PLD5: variants seen among roughly 807,000 people sequenced by gnomAD.
The protein encoded by PLD5 is inactive phospholipase D5.
PLD5 carries 36 observed loss-of-function variants against 61.1 expected under a neutral mutation model. The ratio of observed to expected loss-of-function variants is 0.59; its 90% confidence interval spans 0.45 to 0.78. The LOEUF (loss-of-function observed/expected upper bound fraction) is 0.78. PLD5 is among the 30% of genes least tolerant of loss of function. The pLI is 0.00. For synonymous variants in PLD5, 243 were observed against 242.8 expected (o/e 1.00, Z -0.01); for missense variants, 515 against 644.4 (o/e 0.80, Z 2.17).
chr1:242,472,312 C>T (rs1044896367), intron 1 of PLD5, among the ~76,000 whole-genome samples: 6 of 152,182 alleles, frequency 3.9e-5, no homozygotes, highest in African/African-American at 1.2e-4. Context: ...ATAAGGAGCA[C>T]ACTTTGTTTG....
intron 9 of PLD5, among the ~76,000 whole-genome samples, chr1:242,091,868 C>T (rs1659861462): frequency 6.7e-6 from 1 of 148,760 alleles, no homozygotes; most frequent in African/African-American, 2.5e-5. Context: ...TGCTCTGTCG[C>T]CCAGGCTGGA....
chr1:242,168,847 T>TTTTTTTTG (rs1553314407), intron 5 of PLD5, among the ~76,000 whole-genome samples: 1 of 4,428 alleles, frequency 2.3e-4, no homozygotes, highest in South Asian at 7.1e-3. Context: ...ATTAATGAAG[T>TTTTTTTTG]TTTTTTTTTT....
chr1:242,504,401 T>C (rs905902062), intron 1 of PLD5, among the ~76,000 whole-genome samples: 3 of 152,328 alleles, frequency 2.0e-5, no homozygotes, highest in East Asian at 1.9e-4. Context: ...ACAACATGCA[T>C]GAGATTTCAA....
Position 242,524,324 on chromosome 1 carries a change from C to G in PLD5, c.-48G>C. On this transcript the variant is annotated 5_prime_UTR_variant, in exon 1 of 10. Coordinates refer to ENST00000536534, the MANE Select transcript of PLD5 (RefSeq NM_001372062.1). The stretch of plus-strand genomic sequence containing the variant: ...CGGCGAGCAGCGGACTCGGGACGGG[C>G]GCGCGGGGAGCCGGGCGCGGAGGGC... 7.4e-7 allele frequency: 1 copy of G among 1,355,156 alleles called. No individual in the cohort carries two copies. The highest frequency in any genetic ancestry group is 9.4e-7 in the Non-Finnish European group (1 of 1,060,974). The allele number at this position is 1,355,156 out of a possible 1,614,324, so 83.9% of individuals were successfully genotyped here.
At chr1:242,152,388 G>T (rs1259656424) in intron 5 of PLD5, among the ~76,000 whole-genome samples, 1 of 152,016 alleles carries the variant, frequency 6.6e-6, no homozygotes, top group Non-Finnish European at 1.5e-5. Context: ...TAAGTTCTGG[G>T]ATACATGTAC....
intron 1 of PLD5, among the ~76,000 whole-genome samples, chr1:242,395,360 C>T (rs1230310464): frequency 3.3e-5 from 5 of 152,058 alleles, no homozygotes; most frequent in Admixed American, 1.3e-4. Flanking sequence ...GATCCCATTG[C>T]TTCTTGCCTG....
At chr1:242,131,737 T>C (rs1175330072) in intron 5 of PLD5, among the ~76,000 whole-genome samples, 1 of 152,158 alleles carries the variant, frequency 6.6e-6, no homozygotes, top group Non-Finnish European at 1.5e-5. Context: ...GCCATGTGCT[T>C]GTCCTCCTCT....
rs919202192 is a variant in PLD5, at chr1:242,124,618, T to C, written c.783A>G (p.Leu261=). 12 of 1,613,882 alleles carry C rather than the reference T, an allele frequency of 7.4e-6. No individual in the cohort carries two copies. Among genetic ancestry groups the C allele is most frequent in the Admixed American group, 6.7e-5 (4 of 60,002 alleles). Residue 261 remains leucine (L), a synonymous_variant, in exon 6 of 10, where the codon CTA becomes CTG. Transcript: ENST00000536534. Reference sequence around the variant, plus strand: ...ATAGAGCAAATATCCTTTGTAAATCTAGGACCAGGCAGCTGCAGTTGTAGA... The same window carrying C: ...ATAGAGCAAATATCCTTTGTAAATCCAGGACCAGGCAGCTGCAGTTGTAGA... The part of the protein sequence containing the change: ...VIFYNCSCLV[L]DLQRIFALYS...
At chr1:242,525,846 T>A (rs998869254), upstream of PLD5, among the ~76,000 whole-genome samples, 2 of 152,170 alleles carry the variant, frequency 1.3e-5, no homozygotes, top group African/African-American at 4.8e-5. Context: ...AAAAATGGTA[T>A]AGTAAAAATA....
chr1:242,436,279 T>A (rs1665993153), intron 1 of PLD5, among the ~76,000 whole-genome samples: 1 of 152,184 alleles, frequency 6.6e-6, no homozygotes, highest in South Asian at 2.1e-4. Flanking sequence ...CCTCTAATCA[T>A]CTAAATGGCA....
intron 1 of PLD5, among the ~76,000 whole-genome samples, chr1:242,400,622 A>C (rs562997127): frequency 1.9e-4 from 29 of 152,192 alleles, no homozygotes; most frequent in African/African-American, 6.5e-4. Flanking sequence ...TATCATTACT[A>C]TTTTCCAGAT....
chr1:242,171,779 A>C (rs1666769738), intron 5 of PLD5, among the ~76,000 whole-genome samples: 2 of 152,164 alleles, frequency 1.3e-5, no homozygotes, highest in Non-Finnish European at 2.9e-5. Context: ...TAAACCAACA[A>C]AGATCAAAAA....
chr1:242,305,956 G>C (rs376037420), intron 2 of PLD5, among the ~76,000 whole-genome samples: 1 of 152,156 alleles, frequency 6.6e-6, no homozygotes, highest in African/African-American at 2.4e-5. Flanking sequence ...CAACTGGAAA[G>C]GGGGGGAAGT....
chr1:242,262,149 C>A (rs1369047157), intron 4 of PLD5, among the ~76,000 whole-genome samples: 1 of 152,170 alleles, frequency 6.6e-6, no homozygotes, highest in Non-Finnish European at 1.5e-5. Flanking sequence ...GTAAAATAAA[C>A]CACTGCTGTA....
chr1:242,479,602 T>C (rs1443442089), intron 1 of PLD5, among the ~76,000 whole-genome samples: 1 of 152,164 alleles, frequency 6.6e-6, no homozygotes, highest in Non-Finnish European at 1.5e-5. Context: ...ATTCTCCCAA[T>C]ATTGATGTAT....
intron 1 of PLD5, among the ~76,000 whole-genome samples, chr1:242,463,223 T>C (rs1667173545): frequency 6.6e-6 from 1 of 152,200 alleles, no homozygotes; most frequent in African/African-American, 2.4e-5. Context: ...ATATTGTCTC[T>C]TTCCTCTTTA....
chr1:242,524,188 G>A lies in PLD5; in HGVS notation c.89C>T (p.Ser30Phe). 2 of 1,534,618 alleles carry A rather than the reference G, an allele frequency of 1.3e-6. No homozygotes were observed. The highest frequency in any genetic ancestry group is 1.2e-5 in the South Asian group (1 of 84,022). ...MRLKSRPKEP[S>F]PSLTRVGANF... ...CGCGCCCACTCGGGTCAGGCTTGGG[G>A]AGGGCTCCTTGGGGCGGCTTTTGAG... The change falls in exon 1 of 10, where the codon TCC becomes TTC. Residue 30 changes from serine to phenylalanine, a missense_variant. This residue lies in a region of PLD5 where 65 missense variants were observed against 46.3 expected (regional missense o/e 1.40). Coordinates refer to ENST00000536534, the MANE Select transcript of PLD5 (RefSeq NM_001372062.1).
intron 5 of PLD5, chr1:242,188,661 T>C (rs903622007): frequency 2.0e-5 from 3 of 152,254 alleles, no homozygotes; most frequent in Non-Finnish European, 2.9e-5. Context: ...TGGTTCACCG[T>C]GTAAATAGTA....
intron 5 of PLD5, among the ~76,000 whole-genome samples, chr1:242,212,733 T>A (rs1669911471): frequency 6.6e-6 from 1 of 152,374 alleles, no homozygotes; most frequent in African/African-American, 2.4e-5. Context: ...CTCCGGCCTG[T>A]GGCAAAATTT....
Sources: allele counts gnomAD v4.1 joint callset (sites outside exome capture counted in the v4.1 genomes callset), GRCh38; gene constraint gnomAD v4.1.1; regional missense constraint gnomAD v4.1.1; transcripts MANE v1.5; gene names NCBI Gene and HGNC (gene_info 2026-07-23, HGNC 2026-07-21).